DZIP1L: variants seen among roughly 807,000 people sequenced by gnomAD.
The protein encoded by DZIP1L is DAZ interacting zinc finger protein 1 like.
A neutral mutation model predicts 88.7 loss-of-function variants in DZIP1L; 90 were observed. The ratio of observed to expected loss-of-function variants is 1.02; its 90% confidence interval spans 0.86 to 1.21. The LOEUF (loss-of-function observed/expected upper bound fraction) is 1.21, where lower values mean the gene tolerates loss of function less well. Among genes scored for constraint, DZIP1L ranks in the 50% most tolerant of loss-of-function variants. The pLI is 0.00. For missense variants in DZIP1L, 932 were observed against 955.8 expected (o/e 0.98, Z 0.33); for synonymous variants, 363 against 372.1 (o/e 0.98, Z 0.28).
chr3:138,066,457 TAAAC>T (rs1462270533), intron 14 of DZIP1L, among the ~76,000 whole-genome samples: 1 of 152,112 alleles, frequency 6.6e-6, no homozygotes, highest in Non-Finnish European at 1.5e-5. Flanking sequence ...AGTAAATAAA[TAAAC>T]AGTGACTCTA....
At chr3:138,082,786 C>T (rs577190375) in intron 8 of DZIP1L, among the ~76,000 whole-genome samples, 9 of 152,332 alleles carry the variant, frequency 5.9e-5, no homozygotes, top group East Asian at 1.9e-4. Flanking sequence ...TTTTTTGCAG[C>T]TGTAGTTTCC....
chr3:138,092,392 T>C lies in DZIP1L; in HGVS notation c.861A>G (p.Thr287=), dbSNP rs571047839. 96 of 1,582,784 alleles carry C rather than the reference T, an allele frequency of 6.1e-5. No homozygotes were observed. In the South Asian group the frequency reaches 1.1e-3, roughly 18 times the overall value. ...EFKNVAKQNS[T]LEEKLRALQS... ...CTTTTATGTTGGGTACCTCTTCTAG[T>C]GTAGAGTTCTGCTTGGCGACATTTT... Residue 287 remains threonine (T), a synonymous_variant, in exon 5 of 16, where the codon ACA becomes ACG. Coordinates refer to ENST00000327532, the MANE Select transcript of DZIP1L (RefSeq NM_173543.3).
At chr3:138,108,669 T>C (rs2042561011) in intron 1 of DZIP1L, among the ~76,000 whole-genome samples, 1 of 152,134 alleles carries the variant, frequency 6.6e-6, no homozygotes, top group Non-Finnish European at 1.5e-5. Flanking sequence ...AATCTCTTTC[T>C]CTCTAGCCCC....
chr3:138,105,930 A>G (rs16847860), intron 1 of DZIP1L, among the ~76,000 whole-genome samples: 4,434 of 152,210 alleles, frequency 0.029, 231 homozygotes, highest in African/African-American at 0.1. Context: ...TAGAGATTAC[A>G]GGACTTTTAT....
At chr3:138,101,918 C>T (rs1391277193) in intron 2 of DZIP1L, 9 of 1,456,032 alleles carry the variant, frequency 6.2e-6, no homozygotes, top group Non-Finnish European at 8.7e-6. Flanking sequence ...CCACGTTGCT[C>T]GGCATCTGCG....
chr3:138,084,718 C>G (rs1943841887), intron 7 of DZIP1L, among the ~76,000 whole-genome samples: 1 of 152,148 alleles, frequency 6.6e-6, no homozygotes, highest in South Asian at 2.1e-4. Context: ...TAGATGGGGA[C>G]AGGTGGGAGT....
At position 138,077,769 on chromosome 3, in the gene DZIP1L, C is replaced by A. The variant is rs147856341; in HGVS notation, c.1289-137G>T. ...TCAGGACTTGGAGATTGCACTTGAG[C>A]CCTTAAAGCAGCTTGCTCTCTGGGC... is the stretch of plus-strand genomic sequence containing the variant. On this transcript the variant is annotated intron_variant, in intron 10 of 15. Transcript: ENST00000327532. 2.4e-4 allele frequency: 303 copies of A among 1,271,802 alleles called. 3 individuals carry two copies. The East Asian group carries it at 6.5e-3, about 27-fold the overall frequency. 78.8% of individuals were successfully genotyped at this position (1,271,802 alleles called of 1,614,324 possible).
Position 138,094,862 on chromosome 3 carries a change from C to G in DZIP1L, c.708G>C (p.Gln236His). 2 of 1,614,206 alleles carry G rather than the reference C, an allele frequency of 1.2e-6. No individual in the cohort carries two copies. Among genetic ancestry groups the G allele is most frequent in the Non-Finnish European group, 1.7e-6 (2 of 1,180,028 alleles). ...CCTGATGTTTTCTCTCCCTGCCCAC[C>G]TGGAGCTGCCGCTGCCTCTCCGCCT... ...QREAERQRQL[Q>H]EAELIHQREI... Residue 236 changes from glutamine (Q) to histidine (H), a missense_variant and splice_region_variant, in exon 4 of 16, where the codon CAG becomes CAC. Coordinates refer to ENST00000327532, the MANE Select transcript of DZIP1L (RefSeq NM_173543.3).
chr3:138,085,156 G>C (rs1943865773), intron 7 of DZIP1L, among the ~76,000 whole-genome samples: 1 of 152,144 alleles, frequency 6.6e-6, no homozygotes, highest in African/African-American at 2.4e-5. Context: ...AAAAACCCTA[G>C]AAGAAAACCT....
At position 138,103,947 on chromosome 3, in the gene DZIP1L, C is replaced by A; in HGVS notation, c.25G>T (p.Glu9Ter). MQSPAATA[E>*]GLSGPLFGAY... ...CCAAAGAGGGGGCCACTGAGGCCCT[C>A]AGCAGTGGCAGCTGGGGACTGCATG... Residue 9 changes from glutamate to a stop codon, truncating the protein, a stop_gained, in exon 2 of 16, where the codon GAG becomes TAG. Transcript: ENST00000327532. LOFTEE classifies it high-confidence loss of function. 1 of 1,612,330 alleles carries A rather than the reference C, an allele frequency of 6.2e-7. No homozygotes were observed. Among genetic ancestry groups the A allele is most frequent in the South Asian group, 1.1e-5 (1 of 91,038 alleles).
Position 138,064,884 on chromosome 3 carries a change from A to G in DZIP1L, c.2003-117T>C, listed in dbSNP as rs568822760. On this transcript the variant is annotated intron_variant, in intron 14 of 15. Transcript: ENST00000327532. ...AGAGGGAATGAGCAGAAGGGCCAGG[A>G]GGAAGAAGGCTGAGCAACCACAAAA... 19 of 1,445,384 alleles carry G rather than the reference A, an allele frequency of 1.3e-5. No individual in the cohort carries two copies. In the African/African-American group the frequency reaches 2.1e-4, roughly 16 times the overall value. 89.5% of individuals were successfully genotyped at this position (1,445,384 alleles called of 1,614,324 possible). A position where few individuals can be genotyped will look rare whatever the true frequency, so the allele number is the denominator to read the frequency against.
At chr3:138,095,284 A>G (rs978205629) in intron 3 of DZIP1L, among the ~76,000 whole-genome samples, 1 of 152,044 alleles carries the variant, frequency 6.6e-6, no homozygotes, top group Non-Finnish European at 1.5e-5. Flanking sequence ...ACTGTCACTT[A>G]AAATAAGTAT....
At chr3:138,076,059 C>T (rs990030261) in intron 11 of DZIP1L, among the ~76,000 whole-genome samples, 8 of 152,246 alleles carry the variant, frequency 5.3e-5, no homozygotes, top group Non-Finnish European at 7.4e-5. Flanking sequence ...TGGATCAGGA[C>T]GAGTGGCTGA....
chr3:138,076,549 A>G (rs2107758584), intron 11 of DZIP1L, among the ~76,000 whole-genome samples: 1 of 152,362 alleles, frequency 6.6e-6, no homozygotes, highest in South Asian at 2.1e-4. Context: ...AGAAACTGAT[A>G]TATATACATA....
chr3:138,071,654 C>T lies in DZIP1L; in HGVS notation c.1604G>A (p.Gly535Glu), dbSNP rs1943184126. 1 of 1,612,866 alleles carries T rather than the reference C, an allele frequency of 6.2e-7. No individual in the cohort carries two copies. Among genetic ancestry groups the T allele is most frequent in the South Asian group, 1.1e-5 (1 of 90,900 alleles). The change falls in exon 12 of 16, where the codon GGG (glycine) becomes GAG (glutamate). Residue 535 changes from glycine to glutamate, a missense_variant. By Grantham distance (98) the Gly-to-Glu change is moderately conservative. Coordinates refer to ENST00000327532, the MANE Select transcript of DZIP1L (RefSeq NM_173543.3). Reference sequence around the variant, plus strand: ...TCTCCCCAGTGTACCTGAAGGCTGCCCGTCTGGCTGGGACACCACAGCGCC... The same window carrying T: ...TCTCCCCAGTGTACCTGAAGGCTGCTCGTCTGGCTGGGACACCACAGCGCC... ...ENGAVVSQPD[G>E]QPSVKSQQST...
rs925657059 is a variant in DZIP1L, at chr3:138,063,499, C to G, written c.2143-522G>C. Among the ~76,000 whole-genome samples the G allele has an allele frequency of 4.6e-5, 7 of 152,338 alleles. No homozygotes were observed. Among genetic ancestry groups the G allele is most frequent in the African/African-American group, 1.7e-4 (7 of 41,592 alleles). Reference sequence around the variant, plus strand: ...GTCTGCACTGCAGCCAGCAGGACAGCTCAGAGTCAGCCAAGGGACCAGGCC... The same window carrying G: ...GTCTGCACTGCAGCCAGCAGGACAGGTCAGAGTCAGCCAAGGGACCAGGCC... On this transcript the variant is annotated intron_variant, in intron 15 of 15. Coordinates refer to ENST00000327532, the MANE Select transcript of DZIP1L (RefSeq NM_173543.3). The surrounding 1 kb of genome is among the most constrained non-coding windows in gnomAD (Gnocchi z 4.1).
chr3:138,101,887 G>T, intron 2 of DZIP1L: 1 of 1,424,554 alleles, frequency 7.0e-7, no homozygotes, highest in Non-Finnish European at 9.9e-7. Context: ...CTTGGCGTTG[G>T]CATCCTTAAT....
chr3:138,064,218 T>C (rs1385040891), intron 15 of DZIP1L, among the ~76,000 whole-genome samples: 1 of 152,082 alleles, frequency 6.6e-6, no homozygotes, highest in African/African-American at 2.4e-5. Context: ...GTACCACCCT[T>C]GGGGGAGTCC....
At chr3:138,085,514 C>T (rs1231521668) in intron 7 of DZIP1L, among the ~76,000 whole-genome samples, 6 of 152,234 alleles carry the variant, frequency 3.9e-5, no homozygotes, top group Admixed American at 6.5e-5. Flanking sequence ...AAATGCTCAG[C>T]ATCACTGGCC....
Sources: allele counts gnomAD v4.1 joint callset (sites outside exome capture counted in the v4.1 genomes callset), GRCh38; gene constraint gnomAD v4.1.1; non-coding constraint Gnocchi (gnomAD v3.1); transcripts MANE v1.5; gene names NCBI Gene and HGNC (gene_info 2026-07-23, HGNC 2026-07-21).